Variants in ACYP2 observed in about 807,000 individuals in gnomAD.
The protein encoded by ACYP2 is acylphosphatase 2.
ACYP2 carries 12 observed loss-of-function variants against 11.2 expected under a neutral mutation model. The observed-to-expected ratio is 1.08, with a 90% confidence interval of 0.69 to 1.74. The LOEUF (loss-of-function observed/expected upper bound fraction) is 1.74. Among genes scored for constraint, ACYP2 ranks in the 40% most tolerant of loss-of-function variants. The pLI is 0.00. For synonymous variants in ACYP2, 43 were observed against 32.2 expected (o/e 1.33, Z -1.13); for missense variants, 134 against 101.9 (o/e 1.31, Z -1.35).
In ACYP2 at chr2:54,252,431, T is replaced by A. The variant is rs939395914; in HGVS notation, c.405-52257T>A. Among the ~76,000 whole-genome samples the A allele has an allele frequency of 5.3e-5, 8 of 152,198 alleles. No homozygotes were observed. The South Asian group carries it at 1.7e-3, about 31-fold the overall frequency. ...CGTTGGGTATATTCCTAGAACTAGA[T>A]CAGAGGGTTCGCACTGGTGCTGCCA... On this transcript the variant is annotated intron_variant, in intron 6 of 6. Transcript: ENST00000607452.
rs1679708618 is a variant in ACYP2, at chr2:54,115,608, C to G, written c.278-19845C>G. 6.4e-7 allele frequency: 1 copy of G among 1,555,314 alleles called. No homozygotes were observed. The highest frequency in any genetic ancestry group is 1.2e-5 in the South Asian group (1 of 84,680). ...GGTGACAGGCGCGGGGTGCGCCAAG[C>G]AGTCCCATGTGTCCCCTCCCTCTCG... On this transcript the variant is annotated intron_variant, in intron 4 of 6. Coordinates refer to ENST00000607452, the MANE Select transcript of ACYP2 (RefSeq NM_001320586.2).
chr2:54,004,851 C>T (rs1672978377), intron 2 of ACYP2, among the ~76,000 whole-genome samples: 1 of 143,724 alleles, frequency 7.0e-6, no homozygotes, highest in Non-Finnish European at 1.5e-5. Flanking sequence ...GCCGAGATCT[C>T]ACCACTGCAC....
At chr2:54,075,495 C>G (rs183497514) in intron 4 of ACYP2, among the ~76,000 whole-genome samples, 4 of 114,620 alleles carry the variant, frequency 3.5e-5, no homozygotes, top group South Asian at 3.5e-4. Flanking sequence ...GAGATTCTGT[C>G]TCAAAATTAA....
intron 1 of ACYP2, among the ~76,000 whole-genome samples, chr2:53,972,345 G>T (rs1243085094): frequency 6.6e-6 from 1 of 150,818 alleles, no homozygotes; most frequent in Non-Finnish European, 1.5e-5. Flanking sequence ...GGTGGCTCAC[G>T]CCTGTAATCC....
At chr2:54,193,568 A>G (rs17189680) in intron 6 of ACYP2, among the ~76,000 whole-genome samples, 3,459 of 152,308 alleles carry the variant, frequency 0.023, 79 homozygotes, top group Non-Finnish European at 0.026. Context: ...AATGAATACA[A>G]TTTAGCTTTA....
At chr2:54,221,570 G>C (rs904604627) in intron 6 of ACYP2, among the ~76,000 whole-genome samples, 6 of 143,906 alleles carry the variant, frequency 4.2e-5, no homozygotes, top group Non-Finnish European at 8.9e-5. Context: ...GCCCAGGCTA[G>C]AGTGCAGGGG....
chr2:54,115,681 A>AT lies in ACYP2; in HGVS notation c.278-19772_278-19771insT. On this transcript the variant is annotated intron_variant, in intron 4 of 6. It adds an upstream start codon to the 5' untranslated region. Coordinates refer to ENST00000607452, the MANE Select transcript of ACYP2 (RefSeq NM_001320586.2). ...CCGAGCCCCTCTCCGGCTCCTCAACAGAGGGCTCGCCGCCGCCATGTCTAC... is the reference window on the plus strand; with the variant it reads ...CCGAGCCCCTCTCCGGCTCCTCAACATGAGGGCTCGCCGCCGCCATGTCTAC... 1 of 1,609,414 alleles carries AT rather than the reference A, an allele frequency of 6.2e-7. No individual in the cohort carries two copies. Among genetic ancestry groups the AT allele is most frequent in the South Asian group, 1.1e-5 (1 of 89,926 alleles).
intron 4 of ACYP2, among the ~76,000 whole-genome samples, chr2:54,060,895 G>GT (rs202235861): frequency 0.021 from 3,102 of 149,750 alleles, 90 homozygotes; most frequent in African/African-American, 0.067. Context: ...TCAAATACTT[G>GT]TTTTTTTTTG....
At chr2:54,171,605 C>T (rs903237628) in intron 6 of ACYP2, among the ~76,000 whole-genome samples, 3 of 152,122 alleles carry the variant, frequency 2.0e-5, no homozygotes, top group Non-Finnish European at 4.4e-5. Flanking sequence ...TCAATTTTCA[C>T]CAGTAGAAGC....
At chr2:54,228,030 G>A (rs1312882592) in intron 6 of ACYP2, among the ~76,000 whole-genome samples, 1 of 152,214 alleles carries the variant, frequency 6.6e-6, no homozygotes, top group Non-Finnish European at 1.5e-5. Context: ...CATAGATAAA[G>A]AGAAGTATGA....
At chr2:54,110,278 C>A (rs1469167086) in intron 4 of ACYP2, among the ~76,000 whole-genome samples, 1 of 152,054 alleles carries the variant, frequency 6.6e-6, no homozygotes, top group African/African-American at 2.4e-5. Context: ...TTAAATCAAG[C>A]GCCAAATATT....
chr2:54,294,292 T>C (rs766591660), intron 6 of ACYP2, among the ~76,000 whole-genome samples: 17 of 152,234 alleles, frequency 1.1e-4, no homozygotes, highest in Non-Finnish European at 2.2e-4. Flanking sequence ...ACTTGAATTA[T>C]TGAAAAGACA....
intron 6 of ACYP2, among the ~76,000 whole-genome samples, chr2:54,215,016 T>C (rs1685498895): frequency 6.6e-6 from 1 of 152,216 alleles, no homozygotes. Context: ...GTGGCTACTA[T>C]GAATAGAACT....
chr2:54,072,147 C>G (rs975233167), intron 4 of ACYP2, among the ~76,000 whole-genome samples: 1 of 152,078 alleles, frequency 6.6e-6, no homozygotes, highest in Non-Finnish European at 1.5e-5. Context: ...AATCTGAAAA[C>G]TATCAAATAT....
chr2:54,158,100 G>A (rs1316594720), intron 6 of ACYP2, among the ~76,000 whole-genome samples: 10 of 151,526 alleles, frequency 6.6e-5, no homozygotes, highest in African/African-American at 2.4e-4. Context: ...ATCTCTGTTC[G>A]CTGCAACCTC....
chr2:54,165,535 TCACACACACACACACACACACACACA>T (rs1163844895), intron 6 of ACYP2, among the ~76,000 whole-genome samples: 1 of 128,852 alleles, frequency 7.8e-6, no homozygotes, highest in Non-Finnish European at 1.6e-5. Flanking sequence ...TCTCTCTCTC[TCACACACACACACACACACACACACA>T]CACACACACA....
chr2:53,972,281 G>T (rs1671186790), intron 1 of ACYP2, among the ~76,000 whole-genome samples: 1 of 150,200 alleles, frequency 6.7e-6, no homozygotes, highest in African/African-American at 2.5e-5. Flanking sequence ...GGGCACTCCA[G>T]CCTGGGCAAC....
intron 2 of ACYP2, among the ~76,000 whole-genome samples, chr2:54,044,548 C>A (rs778462380): frequency 1.1e-4 from 17 of 151,876 alleles, no homozygotes; most frequent in Non-Finnish European, 2.2e-4. Flanking sequence ...GATTACACCA[C>A]TGCACTCCAG....
chr2:54,290,682 C>T (rs1023093464), intron 6 of ACYP2, among the ~76,000 whole-genome samples: 6 of 152,110 alleles, frequency 3.9e-5, no homozygotes, highest in Non-Finnish European at 8.8e-5. Context: ...TGGCATCCCC[C>T]AACCCCAACT....
Sources: gnomAD v4.1 joint callset for allele counts (sites outside exome capture counted in the v4.1 genomes callset) on GRCh38, gnomAD v4.1.1 for gene constraint, MANE v1.5 for transcripts, NCBI Gene and HGNC (gene_info 2026-07-23, HGNC 2026-07-21) for gene names.